STK10: variants seen among roughly 807,000 people sequenced by gnomAD.
STK10 encodes the protein serine/threonine kinase 10.
In STK10, 78 loss-of-function variants were observed where a neutral mutation model predicts 113.8. The ratio of observed to expected loss-of-function variants is 0.69; its 90% confidence interval spans 0.57 to 0.83. STK10 has a LOEUF of 0.83. Among genes scored for constraint, STK10 ranks in the 40% least tolerant of loss-of-function variants. STK10 has a pLI of 0.00. For missense variants in STK10, 1,109 were observed against 1,280.1 expected (o/e 0.87, Z 2.04); for synonymous variants, 465 against 494.7 (o/e 0.94, Z 0.80).
chr5:172,082,342 T>G lies in STK10; in HGVS notation c.1973A>C (p.Lys658Thr), dbSNP rs775107025. The G allele has an allele frequency of 1.3e-6, 2 of 1,573,068 alleles. No homozygotes were observed. The highest frequency in any genetic ancestry group is 1.7e-6 in the Non-Finnish European group (2 of 1,162,362). Residue 658 changes from lysine to threonine, a missense_variant, in exon 12 of 19, where the codon AAA becomes ACA. By Grantham distance (78) the Lys-to-Thr change is moderately conservative. This residue lies in a region of STK10 where 885 missense variants were observed against 991.1 expected (regional missense o/e 0.89). Transcript: ENST00000176763. This position sits in a 1 kb window ranked among gnomAD's most constrained non-coding sequence, Gnocchi z 4.3. ...CATACTCACCTCTTTCTTCATCAGT[T>G]TGAGCTGCTCTTGGAACCTGGTGTA... The part of the protein sequence containing the change: ...RDYTRFQEQL[K>T]LMKKEVKNEV...
At chr5:172,159,962 C>A (rs1389112030) in intron 1 of STK10, among the ~76,000 whole-genome samples, 1 of 150,288 alleles carries the variant, frequency 6.7e-6, no homozygotes, top group African/African-American at 2.5e-5. Flanking sequence ...ATGGTGAAAC[C>A]CCATCTCTAC....
At chr5:172,116,239 C>T (rs982462977) in intron 4 of STK10, among the ~76,000 whole-genome samples, 1 of 152,110 alleles carries the variant, frequency 6.6e-6, no homozygotes. Context: ...TGCCACCACG[C>T]CCGGCTAATT....
At chr5:172,184,576 G>A (rs1330549144) in intron 1 of STK10, among the ~76,000 whole-genome samples, 1 of 152,092 alleles carries the variant, frequency 6.6e-6, no homozygotes, top group Non-Finnish European at 1.5e-5. Context: ...AAGAGAAAAT[G>A]GTGGATTCGG....
Position 172,144,582 on chromosome 5 carries a change from C to G in STK10, c.321+12042G>C, listed in dbSNP as rs1004112363. Among the ~76,000 whole-genome samples, 3 of 152,070 alleles carry G rather than the reference C, an allele frequency of 2.0e-5. No homozygotes were observed. The East Asian group carries it at 5.8e-4, about 30-fold the overall frequency. ...CCAGGCCAAACAATGCTGCCATTTA[C>G]TAGGCAGCCTACACCCCCAGGCCTC... On this transcript the variant is annotated intron_variant, in intron 2 of 18. Transcript: ENST00000176763.
At chr5:172,123,001 T>C (rs564552532) in intron 3 of STK10, among the ~76,000 whole-genome samples, 6 of 152,302 alleles carry the variant, frequency 3.9e-5, no homozygotes, top group East Asian at 3.9e-4. Context: ...GGATGTTACA[T>C]AGAATGGCCC....
intron 1 of STK10, among the ~76,000 whole-genome samples, chr5:172,163,785 C>T (rs1770513422): frequency 6.6e-6 from 1 of 152,192 alleles, no homozygotes; most frequent in South Asian, 2.1e-4. Flanking sequence ...ATTCACCCTT[C>T]CCCGATTTTT....
Position 172,082,552 on chromosome 5 carries a change from C to A in STK10, c.1810-47G>T. ...AGAAACTTAGCGAAGTCACTTTATA[C>A]CTGGGAGGGACATGGGAAGTGGAAT... On this transcript the variant is annotated intron_variant, in intron 11 of 18. Transcript: ENST00000176763. This position sits in a 1 kb window ranked among gnomAD's most constrained non-coding sequence, Gnocchi z 4.3. 6.5e-7 allele frequency: 1 copy of A among 1,530,116 alleles called. No individual in the cohort carries two copies. Among genetic ancestry groups the A allele is most frequent in the Non-Finnish European group, 8.8e-7 (1 of 1,139,590 alleles). 94.8% of individuals were successfully genotyped at this position (1,530,116 alleles called of 1,614,324 possible). A position where few individuals can be genotyped will look rare whatever the true frequency, so the allele number is the denominator to read the frequency against.
intron 4 of STK10, among the ~76,000 whole-genome samples, chr5:172,113,098 T>TA: frequency 6.6e-6 from 1 of 152,362 alleles, no homozygotes; most frequent in South Asian, 2.1e-4. Context: ...TTCTATGGTT[T>TA]AAAAAACTGA....
At chr5:172,081,274 T>G (rs1353996597) in intron 12 of STK10, among the ~76,000 whole-genome samples, 2 of 147,578 alleles carry the variant, frequency 1.4e-5, no homozygotes, top group Non-Finnish European at 3.0e-5. Context: ...TCGCTTGAAC[T>G]CGGGAGGCAG....
chr5:172,082,450 TG>T lies in STK10; in HGVS notation c.1864del (p.Gln622SerfsTer38). 1 of 1,611,008 alleles carries T rather than the reference TG, an allele frequency of 6.2e-7. No homozygotes were observed. Among genetic ancestry groups the T allele is most frequent in the Non-Finnish European group, 8.5e-7 (1 of 1,178,718 alleles). On this transcript the variant is annotated frameshift_variant, in exon 12 of 19. Transcript: ENST00000176763. LOFTEE classifies it high-confidence loss of function. This position sits in a 1 kb window ranked among gnomAD's most constrained non-coding sequence, Gnocchi z 4.3. ...GTCTTGCTCCATCTTCTCCACTTGCTGCTTTTGCTGACGCTCCAGGTTCTCT... is the reference window on the plus strand; with the variant it reads ...GTCTTGCTCCATCTTCTCCACTTGCTCTTTTGCTGACGCTCCAGGTTCTCT... The part of the protein sequence containing the change: ...ELENLERQQK[Q>X]QVEKMEQDHA...
chr5:172,157,889 C>A (rs1770384923), intron 1 of STK10, among the ~76,000 whole-genome samples: 1 of 152,080 alleles, frequency 6.6e-6, no homozygotes, highest in Admixed American at 6.6e-5. Flanking sequence ...CTGTGTCTGG[C>A]CTAAAATTTG....
chr5:172,131,596 T>C (rs1277686665), intron 2 of STK10, among the ~76,000 whole-genome samples: 2 of 152,198 alleles, frequency 1.3e-5, no homozygotes, highest in Non-Finnish European at 2.9e-5. Flanking sequence ...TGGGTTAAGT[T>C]CCTCAGCTTT....
intron 3 of STK10, among the ~76,000 whole-genome samples, chr5:172,119,675 T>C (rs1769462506): frequency 6.6e-6 from 1 of 151,290 alleles, no homozygotes; most frequent in Non-Finnish European, 1.5e-5. Context: ...CCATCCTGGC[T>C]AAAACGGTGA....
chr5:172,063,526 G>C (rs1369977563), intron 13 of STK10: 2 of 152,206 alleles, frequency 1.3e-5, no homozygotes, highest in Non-Finnish European at 2.9e-5. Context: ...GAAAATCCAA[G>C]CCAAAGGATG....
At chr5:172,051,938 G>A (rs1042456425) in intron 18 of STK10, among the ~76,000 whole-genome samples, 15 of 152,320 alleles carry the variant, frequency 9.8e-5, no homozygotes, top group African/African-American at 3.4e-4. Flanking sequence ...GGGCAGTAAA[G>A]AAAGATGTGG....
intron 12 of STK10, among the ~76,000 whole-genome samples, chr5:172,070,266 T>TAG (rs1284489321): frequency 6.7e-6 from 1 of 149,920 alleles, no homozygotes; most frequent in African/African-American, 2.5e-5. Context: ...TATATATCTA[T>TAG]ATATCTATAT....
At position 172,178,262 on chromosome 5, in the gene STK10, C is replaced by T. The variant is rs1051752293; in HGVS notation, c.156+9625G>A. Among the ~76,000 whole-genome samples, 4 of 152,298 alleles carry T rather than the reference C, an allele frequency of 2.6e-5. No individual in the cohort carries two copies. The South Asian group carries it at 8.3e-4, about 32-fold the overall frequency. The stretch of plus-strand genomic sequence containing the variant: ...TGGGGGCCACACCGTGTGGCCCCAT[C>T]CTCAGGCCACATCAGGCCGCTACAT... On this transcript the variant is annotated intron_variant, in intron 1 of 18. Coordinates refer to ENST00000176763, the MANE Select transcript of STK10 (RefSeq NM_005990.4).
chr5:172,168,571 C>T (rs1356675635), intron 1 of STK10, among the ~76,000 whole-genome samples: 1 of 152,186 alleles, frequency 6.6e-6, no homozygotes, highest in Non-Finnish European at 1.5e-5. Context: ...TGAAAAAGGC[C>T]TGTCAAACCC....
At chr5:172,049,771 A>G (rs947280111) in intron 18 of STK10, among the ~76,000 whole-genome samples, 2 of 152,128 alleles carry the variant, frequency 1.3e-5, no homozygotes, top group Non-Finnish European at 2.9e-5. Flanking sequence ...CTGAATGGGT[A>G]TTCTTCACCA....
Sources: gnomAD v4.1 joint callset for allele counts (sites outside exome capture counted in the v4.1 genomes callset) on GRCh38, gnomAD v4.1.1 for gene constraint, gnomAD v4.1.1 regional missense constraint, Gnocchi (gnomAD v3.1) non-coding constraint, MANE v1.5 for transcripts, NCBI Gene and HGNC (gene_info 2026-07-23, HGNC 2026-07-21) for gene names.